The following TAF3 variants were observed in gnomAD, a reference collection of about 807,000 sequenced individuals.
TAF3 encodes TATA-box binding protein associated factor 3, also known as transcription initiation factor TFIID subunit 3.
A neutral mutation model predicts 80.6 loss-of-function variants in TAF3; 7 were observed. The ratio of observed to expected loss-of-function variants is 0.09; its 90% CI spans 0.05 to 0.16. The LOEUF (loss-of-function observed/expected upper bound fraction) is 0.16. TAF3 is among the 10% of genes least tolerant of loss of function. The pLI is 1.00. For synonymous variants in TAF3, 444 were observed against 446.1 expected (o/e 1.00, Z 0.06); for missense variants, 921 against 1,140.2 (o/e 0.81, Z 2.77).
At chr10:7,974,249 C>T (rs1330893854) in intron 3 of TAF3, among the ~76,000 whole-genome samples, 1 of 151,994 alleles carries the variant, frequency 6.6e-6, no homozygotes, top group Non-Finnish European at 1.5e-5. Flanking sequence ...CCCTCATGAC[C>T]CTTGACCCTG....
intron 2 of TAF3, among the ~76,000 whole-genome samples, chr10:7,946,475 G>A (rs542444438): frequency 6.6e-6 from 1 of 152,320 alleles, no homozygotes; most frequent in South Asian, 2.1e-4. Context: ...TGTAATCCCA[G>A]CACATTGGGA....
intron 2 of TAF3, among the ~76,000 whole-genome samples, chr10:7,893,021 T>C (rs1374460331): frequency 6.6e-6 from 1 of 152,044 alleles, no homozygotes; most frequent in Admixed American, 6.6e-5. Flanking sequence ...GGTTTCTCCA[T>C]GTTGATCAGG....
At chr10:7,869,339 C>A (rs1588532400) in intron 2 of TAF3, among the ~76,000 whole-genome samples, 1 of 152,040 alleles carries the variant, frequency 6.6e-6, no homozygotes, top group African/African-American at 2.4e-5. Flanking sequence ...CACATAAATA[C>A]ATACGTACAT....
intron 2 of TAF3, among the ~76,000 whole-genome samples, chr10:7,889,882 C>T (rs1837442519): frequency 6.6e-6 from 1 of 152,068 alleles, no homozygotes; most frequent in Admixed American, 6.6e-5. Context: ...TTTCTAATGC[C>T]ACAGGTCCTG....
chr10:7,918,461 C>T (rs974237004), intron 2 of TAF3, among the ~76,000 whole-genome samples: 7 of 152,080 alleles, frequency 4.6e-5, no homozygotes, highest in African/African-American at 1.7e-4. Context: ...GAGGAAGAGG[C>T]ACATGGGAGG....
Position 7,824,473 on chromosome 10 carries a change from C to A in TAF3, c.322C>A (p.Gln108Lys). Residue 108 changes from glutamine (Q) to lysine (K), a missense_variant, in exon 2 of 7, where the codon CAG (glutamine) becomes AAG (lysine). This residue lies in a region of TAF3 where 106 missense variants were observed against 191.8 expected (regional missense o/e 0.55). Coordinates refer to ENST00000344293, the MANE Select transcript of TAF3 (RefSeq NM_031923.4). ...SFPVSKNNVLQFPQPGSKDAE... is the reference protein window; with the variant it reads ...SFPVSKNNVLKFPQPGSKDAE... ...TCCTGTTAGCAAGAACAATGTACTT[C>A]AGTTTCCTCAACCTGGAAGTAAAGA... 6.2e-7 allele frequency: 1 copy of A among 1,614,160 alleles called. No individual in the cohort carries two copies. The highest frequency in any genetic ancestry group is 1.6e-4 in the Middle Eastern group (1 of 6,062).
chr10:7,874,769 C>G (rs889076312), intron 2 of TAF3, among the ~76,000 whole-genome samples: 4 of 151,332 alleles, frequency 2.6e-5, no homozygotes, highest in African/African-American at 7.3e-5. Flanking sequence ...GATTGCATTT[C>G]TTTTCTTTTC....
At chr10:7,959,937 T>G (rs1437408604) in intron 2 of TAF3, among the ~76,000 whole-genome samples, 1 of 152,208 alleles carries the variant, frequency 6.6e-6, no homozygotes, top group Non-Finnish European at 1.5e-5. Flanking sequence ...AGGGAATGCT[T>G]GGAGTAGAGC....
intron 2 of TAF3, among the ~76,000 whole-genome samples, chr10:7,942,764 G>A (rs935760074): frequency 6.6e-6 from 1 of 152,314 alleles, no homozygotes; most frequent in African/African-American, 2.4e-5. Flanking sequence ...TCTAGATCTT[G>A]TGATGTTTTA....
intron 2 of TAF3, among the ~76,000 whole-genome samples, chr10:7,938,306 C>G (rs989371391): frequency 1.3e-5 from 2 of 152,080 alleles, no homozygotes; most frequent in African/African-American, 4.8e-5. Flanking sequence ...ATGGGCCCCA[C>G]TGCGCAGGAG....
At chr10:7,863,646 TACACACACAC>T (rs1189904667) in intron 2 of TAF3, among the ~76,000 whole-genome samples, 27 of 76,704 alleles carry the variant, frequency 3.5e-4, no homozygotes, top group East Asian at 8.8e-4. Flanking sequence ...TATATATATA[TACACACACAC>T]ATATATATAT....
chr10:7,850,487 C>T (rs147514406), intron 2 of TAF3, among the ~76,000 whole-genome samples: 2 of 152,148 alleles, frequency 1.3e-5, no homozygotes, highest in Admixed American at 6.5e-5. Flanking sequence ...ACCAGCCTGG[C>T]CAACATGGTG....
chr10:7,900,512 G>A (rs547622631), intron 2 of TAF3, among the ~76,000 whole-genome samples: 25 of 152,250 alleles, frequency 1.6e-4, no homozygotes, highest in Admixed American at 1.6e-3. Context: ...CTATTGTGTG[G>A]TCCTGAAAGG....
chr10:8,013,861 G>A (rs143755873), intron 6 of TAF3, 24 bp downstream of exon 6: 33 of 1,594,656 alleles, frequency 2.1e-5, no homozygotes, highest in Middle Eastern at 1.7e-4. Flanking sequence ...GCGCCCTGCC[G>A]GCCACACTCA....
At chr10:7,834,749 A>G (rs1234107891) in intron 2 of TAF3, among the ~76,000 whole-genome samples, 1 of 152,244 alleles carries the variant, frequency 6.6e-6, no homozygotes, top group Non-Finnish European at 1.5e-5. Flanking sequence ...CATTTGCTTT[A>G]TCCCAGATTA....
At chr10:7,961,888 C>T (rs1322462710) in intron 2 of TAF3, among the ~76,000 whole-genome samples, 2 of 151,840 alleles carry the variant, frequency 1.3e-5, no homozygotes, top group Non-Finnish European at 2.9e-5. Flanking sequence ...CTCGCTCTGT[C>T]GCCCAGGCTG....
chr10:7,944,913 G>T (rs762747594), intron 2 of TAF3, among the ~76,000 whole-genome samples: 9 of 152,102 alleles, frequency 5.9e-5, no homozygotes, highest in Admixed American at 3.3e-4. Context: ...ATTTTGTCAA[G>T]GTCATTTAGA....
chr10:7,843,214 C>T (rs1836935679), intron 2 of TAF3, among the ~76,000 whole-genome samples: 1 of 152,042 alleles, frequency 6.6e-6, no homozygotes, highest in South Asian at 2.1e-4. Flanking sequence ...CTCAAGCAAT[C>T]CTCCCACCTC....
At chr10:7,908,598 C>T (rs571276060) in intron 2 of TAF3, among the ~76,000 whole-genome samples, 12 of 152,310 alleles carry the variant, frequency 7.9e-5, no homozygotes, top group South Asian at 2.1e-4. Flanking sequence ...GGTTACCGAG[C>T]GCTTCTGAAG....
Sources: gnomAD v4.1 joint callset for allele counts (sites outside exome capture counted in the v4.1 genomes callset) on GRCh38, gnomAD v4.1.1 for gene constraint, gnomAD v4.1.1 regional missense constraint, MANE v1.5 for transcripts, NCBI Gene and HGNC (gene_info 2026-07-23, HGNC 2026-07-21) for gene names.